CENPP: variants seen among roughly 807,000 people sequenced by gnomAD.
The protein encoded by CENPP is centromere protein P.
Under a neutral mutation model 35.6 loss-of-function variants are expected in CENPP, and 24 were observed. That is an observed-to-expected ratio of 0.67 (90% CI 0.49 to 0.95). The LOEUF (loss-of-function observed/expected upper bound fraction) is 0.95. CENPP is among the 40% of genes least tolerant of loss of function. The probability of loss-of-function intolerance (pLI) is 0.00; values close to 1 mark genes in which losing one functional copy is unlikely to be tolerated. For missense variants in CENPP, 332 were observed against 345.3 expected (o/e 0.96, Z 0.31); for synonymous variants, 120 against 125.5 (o/e 0.96, Z 0.29).
At chr9:92,445,496 A>G (rs1844529482) in intron 5 of CENPP, among the ~76,000 whole-genome samples, 1 of 152,002 alleles carries the variant, frequency 6.6e-6, no homozygotes, top group South Asian at 2.1e-4. Flanking sequence ...TTTAAAATGG[A>G]CTGTAGTGAT....
intron 5 of CENPP, among the ~76,000 whole-genome samples, chr9:92,575,424 T>C (rs1030905329): frequency 6.6e-6 from 1 of 152,124 alleles, no homozygotes; most frequent in Non-Finnish European, 1.5e-5. Context: ...TATACACAAA[T>C]GGCCATTAAG....
chr9:92,467,572 CTAGATT>C (rs1208896642), intron 5 of CENPP, among the ~76,000 whole-genome samples: 1 of 152,208 alleles, frequency 6.6e-6, no homozygotes, highest in African/African-American at 2.4e-5. Context: ...AGGAGCAGCT[CTAGATT>C]CATTCATTTT....
chr9:92,580,493 C>T (rs1850393943), intron 5 of CENPP, among the ~76,000 whole-genome samples: 1 of 152,138 alleles, frequency 6.6e-6, no homozygotes, highest in African/African-American at 2.4e-5. Context: ...TGTTATTGGT[C>T]TATTCAGAGA....
chr9:92,449,437 C>CAAAAAAAAAAAAAA (rs56218626), intron 5 of CENPP, among the ~76,000 whole-genome samples: 10 of 54,958 alleles, frequency 1.8e-4, no homozygotes, highest in Non-Finnish European at 3.0e-4. Flanking sequence ...ACTCTATCTC[C>CAAAAAAAAAAAAAA]AAAAAAAAAA....
chr9:92,567,373 G>GATATATAGAT lies in CENPP; in HGVS notation c.565-43934_565-43933insGATATATATA, dbSNP rs1554688236. Among the ~76,000 whole-genome samples, 1,299 of 129,080 alleles carry GATATATAGAT rather than the reference G, an allele frequency of 0.01. 91 individuals carry two copies. In the East Asian group the frequency reaches 0.17, roughly 17 times the overall value. The allele number at this position is 129,080 out of a possible 152,430, so 84.7% of individuals were successfully genotyped here. On this transcript the variant is annotated intron_variant, in intron 5 of 7. Coordinates refer to ENST00000375587, the MANE Select transcript of CENPP (RefSeq NM_001012267.3). Reference sequence around the variant, plus strand: ...ATGGGGTATACAGTTACATAAGATAGATATATATATATATATATATATAGA... The same window carrying GATATATAGAT: ...ATGGGGTATACAGTTACATAAGATAGATATATAGATATATATATATATATATATATATAGA...
intron 5 of CENPP, among the ~76,000 whole-genome samples, chr9:92,381,139 C>G (rs1842231445): frequency 1.3e-5 from 2 of 152,172 alleles, no homozygotes; most frequent in Admixed American, 6.5e-5. Flanking sequence ...TCATTCCTGC[C>G]TTCTCTTAGC....
intron 5 of CENPP, among the ~76,000 whole-genome samples, chr9:92,586,155 C>T (rs1850535939): frequency 6.6e-6 from 1 of 152,234 alleles, no homozygotes; most frequent in South Asian, 2.1e-4. Flanking sequence ...AGACGATTCT[C>T]CTGCCTCAGC....
intron 5 of CENPP, among the ~76,000 whole-genome samples, chr9:92,416,134 C>G (rs1468597529): frequency 1.4e-5 from 2 of 141,938 alleles, no homozygotes; most frequent in Non-Finnish European, 3.0e-5. Context: ...GAGTTTTGCT[C>G]TGTCATCCAG....
At chr9:92,522,534 C>A in intron 5 of CENPP, 1 of 1,512,798 alleles carries the variant, frequency 6.6e-7, no homozygotes, top group Non-Finnish European at 8.9e-7. Context: ...ATCTCTCACC[C>A]TCCTCCCTCT....
At position 92,512,209 on chromosome 9, in the gene CENPP, T is replaced by G; in HGVS notation, c.565-99105T>G. On this transcript the variant is annotated intron_variant, in intron 5 of 7. Transcript: ENST00000375587. ...ATGTATGGGCATGTGTGCATAGATA[T>G]CAAGAGAGAGCTTTGTCTGGAGGAG... The G allele has an allele frequency of 3.7e-6, 3 of 809,146 alleles. No individual in the cohort carries two copies. The East Asian group carries it at 8.0e-5, about 22-fold the overall frequency. 50.1% of individuals were successfully genotyped at this position (809,146 alleles called of 1,614,324 possible).
At chr9:92,481,287 A>G (rs1845902247) in intron 5 of CENPP, among the ~76,000 whole-genome samples, 1 of 152,192 alleles carries the variant, frequency 6.6e-6, no homozygotes, top group Admixed American at 6.5e-5. Flanking sequence ...CCTTAATGCC[A>G]AAAAACAAAC....
intron 5 of CENPP, among the ~76,000 whole-genome samples, chr9:92,608,748 G>A (rs1318829364): frequency 6.6e-6 from 1 of 152,224 alleles, no homozygotes. Context: ...TGCACTGAAT[G>A]CCTGACCTCT....
intron 5 of CENPP, among the ~76,000 whole-genome samples, chr9:92,431,515 C>T (rs1844108486): frequency 6.6e-6 from 1 of 152,126 alleles, no homozygotes; most frequent in Admixed American, 6.6e-5. Flanking sequence ...GTTTTTCAGC[C>T]ATTTGGATTT....
At chr9:92,441,649 C>G (rs1031912953) in intron 5 of CENPP, among the ~76,000 whole-genome samples, 1 of 152,100 alleles carries the variant, frequency 6.6e-6, no homozygotes, top group Non-Finnish European at 1.5e-5. Flanking sequence ...GTCCCAGCTA[C>G]TCAGGAGGCT....
At chr9:92,539,506 G>C (rs1378803973) in intron 5 of CENPP, among the ~76,000 whole-genome samples, 1 of 152,104 alleles carries the variant, frequency 6.6e-6, no homozygotes, top group Non-Finnish European at 1.5e-5. Context: ...AGTTGATGCA[G>C]AGTAGAGTTT....
At chr9:92,513,136 C>T (rs1335093656) in intron 5 of CENPP, among the ~76,000 whole-genome samples, 2 of 152,168 alleles carry the variant, frequency 1.3e-5, no homozygotes, top group Non-Finnish European at 2.9e-5. Flanking sequence ...GACGAATGCT[C>T]CTGCTGCTCC....
At chr9:92,568,164 C>T (rs1337136494) in intron 5 of CENPP, among the ~76,000 whole-genome samples, 1 of 151,986 alleles carries the variant, frequency 6.6e-6, no homozygotes, top group Non-Finnish European at 1.5e-5. Flanking sequence ...TATACATGTG[C>T]CATGTTGGTG....
At chr9:92,480,703 G>T (rs933090823) in intron 5 of CENPP, among the ~76,000 whole-genome samples, 14 of 152,108 alleles carry the variant, frequency 9.2e-5, no homozygotes, top group Non-Finnish European at 2.1e-4. Flanking sequence ...TAAATCCCAT[G>T]TTTAAAGGCC....
chr9:92,550,263 G>A (rs1849560528), intron 5 of CENPP, among the ~76,000 whole-genome samples: 1 of 152,134 alleles, frequency 6.6e-6, no homozygotes, highest in African/African-American at 2.4e-5. Flanking sequence ...GGGTGTGGTG[G>A]TGCGTGCCTG....
Sources: gnomAD v4.1 joint callset for allele counts (sites outside exome capture counted in the v4.1 genomes callset) on GRCh38, gnomAD v4.1.1 for gene constraint, MANE v1.5 for transcripts, NCBI Gene and HGNC (gene_info 2026-07-23, HGNC 2026-07-21) for gene names.